Variants in SLC20A1 observed in about 807,000 individuals in gnomAD.
SLC20A1 encodes the protein solute carrier family 20 member 1.
SLC20A1 carries 28 observed loss-of-function variants against 62.7 expected under a neutral mutation model. The observed-to-expected ratio is 0.45, with a 90% CI of 0.33 to 0.61. The LOEUF (loss-of-function observed/expected upper bound fraction) is 0.61. Ranked by LOEUF, SLC20A1 falls within the 20% of genes least tolerant of loss-of-function variation. The pLI is 0.02. For synonymous variants in SLC20A1, 305 were observed against 302.9 expected (o/e 1.01, Z -0.07); for missense variants, 673 against 838.6 (o/e 0.80, Z 2.44).
rs1686738920 is a variant in SLC20A1, at chr2:112,661,161, G to T, written c.1813G>T (p.Ala605Ser). The T allele has an allele frequency of 1.5e-5, 25 of 1,613,998 alleles. No homozygotes were observed. Among genetic ancestry groups the T allele is most frequent in the Non-Finnish European group, 2.0e-5 (24 of 1,179,886 alleles). The change falls in exon 10 of 11, where the codon GCA becomes TCA. Residue 605 changes from alanine (A) to serine (S), a missense_variant. Coordinates refer to ENST00000272542, the MANE Select transcript of SLC20A1 (RefSeq NM_005415.5). ...CTGTAGTGGCTTCAGTATTGAACTG[G>T]CATCTGCCCTCACTGTGGTGATTGC... ...TPSSGFSIEL[A>S]SALTVVIASN...
At chr2:112,648,670 C>G (rs545695004) in intron 4 of SLC20A1, among the ~76,000 whole-genome samples, 1 of 152,324 alleles carries the variant, frequency 6.6e-6, no homozygotes, top group East Asian at 1.9e-4. Context: ...TCACTAATCA[C>G]TGTTTTCCAT....
chr2:112,661,271 A>G, intron 10 of SLC20A1, 45 bp downstream of exon 10: 3 of 1,456,176 alleles, frequency 2.1e-6, no homozygotes, highest in Middle Eastern at 1.7e-4. Flanking sequence ...TTCTTCTAAT[A>G]TGTAGGGTTT....
chr2:112,654,254 T>C (rs1310012499), intron 5 of SLC20A1, among the ~76,000 whole-genome samples: 1 of 152,232 alleles, frequency 6.6e-6, no homozygotes, highest in Non-Finnish European at 1.5e-5. Flanking sequence ...ACTGAACTGC[T>C]ATGTGCCGGT....
intron 4 of SLC20A1, chr2:112,652,498 G>GA (rs946743828): frequency 5.3e-3 from 2,933 of 552,620 alleles, no homozygotes; most frequent in Middle Eastern, 8.5e-3. Flanking sequence ...AAAGAAAAAA[G>GA]AAAAAAAAAC....
chr2:112,653,090 AT>A, intron 5 of SLC20A1: 1 of 547,306 alleles, frequency 1.8e-6, no homozygotes, highest in Non-Finnish European at 3.2e-6. Context: ...TATGCTAAAA[AT>A]GCTGGAATTA....
Position 112,663,551 on chromosome 2 carries a change from A to G in SLC20A1, c.*526A>G, listed in dbSNP as rs1039646240. The stretch of plus-strand genomic sequence containing the variant: ...GTCAGTAGTGGCAGGATCTATTGGC[A>G]TATTCGGGAGCTTCTTAGAGGGATG... On this transcript the variant is annotated 3_prime_UTR_variant, in exon 11 of 11. Transcript: ENST00000272542. The G allele has an allele frequency of 1.1e-5, 2 of 182,374 alleles. No individual in the cohort carries two copies. Among genetic ancestry groups the G allele is most frequent in the South Asian group, 2.2e-4 (2 of 9,258 alleles). The allele number at this position is 182,374 out of a possible 1,614,324, so 11.3% of individuals were successfully genotyped here.
chr2:112,657,092 G>C (rs371055700), intron 5 of SLC20A1, 30 bp from the exon 6 acceptor site: 64 of 1,613,552 alleles, frequency 4.0e-5, no homozygotes, highest in Admixed American at 1.8e-4. Flanking sequence ...TTGCCCTGGG[G>C]TTTTCAAGAT....
At chr2:112,648,663 C>G (rs1466907906) in intron 4 of SLC20A1, among the ~76,000 whole-genome samples, 7 of 152,226 alleles carry the variant, frequency 4.6e-5, no homozygotes, top group Non-Finnish European at 8.8e-5. Flanking sequence ...AAGTGATTCA[C>G]TAATCACTGT....
At chr2:112,655,612 G>A (rs1438066689) in intron 5 of SLC20A1, among the ~76,000 whole-genome samples, 2 of 151,182 alleles carry the variant, frequency 1.3e-5, no homozygotes, top group Non-Finnish European at 2.9e-5. Context: ...TGGGCTCAGG[G>A]TGTTCTCACA....
In SLC20A1 at chr2:112,650,141, A is replaced by G. The variant is rs948751296; in HGVS notation, c.561+2403A>G. Among the ~76,000 whole-genome samples the G allele has an allele frequency of 1.8e-4, 27 of 152,328 alleles. 1 individual carries two copies. The highest frequency in any genetic ancestry group is 1.6e-3 in the Admixed American group (25 of 15,300). The stretch of plus-strand genomic sequence containing the variant: ...ACCTCAGATTTGTTTACCTCAGGGA[A>G]TACTTAATTGGGCTATGCTATACAG... On this transcript the variant is annotated intron_variant, in intron 4 of 10. Transcript: ENST00000272542.
At chr2:112,647,593 G>C in intron 3 of SLC20A1, 60 bp from the exon 4 acceptor site, 1 of 1,583,614 alleles carries the variant, frequency 6.3e-7, no homozygotes, top group Non-Finnish European at 8.7e-7. Flanking sequence ...AACATTTAAA[G>C]TGGTTTTTGG....
At chr2:112,656,593 G>A (rs929831760) in intron 5 of SLC20A1, among the ~76,000 whole-genome samples, 1 of 152,182 alleles carries the variant, frequency 6.6e-6, no homozygotes, top group Non-Finnish European at 1.5e-5. Context: ...CTGCTTTCAA[G>A]GAGATAATCT....
At position 112,658,967 on chromosome 2, in the gene SLC20A1, C is replaced by T. The variant is rs769062862; in HGVS notation, c.921C>T (p.Pro307=). The T allele has an allele frequency of 5.6e-5, 90 of 1,614,010 alleles. No homozygotes were observed. In the South Asian group the frequency reaches 8.7e-4, roughly 16 times the overall value. The change falls in exon 7 of 11, where the codon CCC becomes CCT. Residue 307 remains proline (P), a synonymous_variant. Transcript: ENST00000272542. ...PVSEVGPATV[P]LQAVVEERTV... is the part of the protein sequence containing the mutation. Reference sequence around the variant, plus strand: ...CTGAGGTAGGGCCTGCCACTGTGCCCCTCCAGGCTGTGGTGGAGGAGAGAA... The same window carrying T: ...CTGAGGTAGGGCCTGCCACTGTGCCTCTCCAGGCTGTGGTGGAGGAGAGAA...
chr2:112,649,780 G>A (rs1421131922), intron 4 of SLC20A1, among the ~76,000 whole-genome samples: 1 of 152,144 alleles, frequency 6.6e-6, no homozygotes, highest in East Asian at 1.9e-4. Flanking sequence ...TCATTAGTTA[G>A]AAATATATTT....
chr2:112,649,684 C>G (rs977348525), intron 4 of SLC20A1, among the ~76,000 whole-genome samples: 1 of 152,094 alleles, frequency 6.6e-6, no homozygotes, highest in Non-Finnish European at 1.5e-5. Context: ...CTATTTAGGA[C>G]TGGCATCGCA....
At chr2:112,653,670 TTC>T (rs869171327) in intron 5 of SLC20A1, among the ~76,000 whole-genome samples, 169 of 119,934 alleles carry the variant, frequency 1.4e-3, no homozygotes, top group Non-Finnish European at 1.7e-3. Flanking sequence ...CTTTTTTTTT[TTC>T]TTAACATTTG....
rs770988125 is a variant in SLC20A1, at chr2:112,661,176, G to C, written c.1828G>C (p.Val610Leu). ...FSIELASALTVVIASNIGLPI... is the reference protein window; with the variant it reads ...FSIELASALTLVIASNIGLPI... ...TATTGAACTGGCATCTGCCCTCACT[G>C]TGGTGATTGCATCAAATATTGGCCT... is the stretch of plus-strand genomic sequence containing the variant. Residue 610 changes from valine to leucine, a missense_variant, in exon 10 of 11, where the codon GTG (valine) becomes CTG (leucine). Coordinates refer to ENST00000272542, the MANE Select transcript of SLC20A1 (RefSeq NM_005415.5). The C allele has an allele frequency of 1.2e-6, 2 of 1,614,092 alleles. No individual in the cohort carries two copies. Among genetic ancestry groups the C allele is most frequent in the Non-Finnish European group, 1.7e-6 (2 of 1,179,962 alleles).
At chr2:112,661,503 A>AT (rs57951916) in intron 10 of SLC20A1, among the ~76,000 whole-genome samples, 44,672 of 150,362 alleles carry the variant, frequency 0.3, 7,351 homozygotes, top group East Asian at 0.77. Context: ...CTTTATAATA[A>AT]TTTTTTTTTT....
chr2:112,661,346 A>G (rs973912086), intron 10 of SLC20A1, 120 bp downstream of exon 10: 2 of 654,912 alleles, frequency 3.1e-6, no homozygotes, highest in Non-Finnish European at 5.4e-6. Context: ...TGAAGAGTTC[A>G]TAAGTTATTT....
Sources: gnomAD v4.1 joint callset for allele counts (sites outside exome capture counted in the v4.1 genomes callset) on GRCh38, gnomAD v4.1.1 for gene constraint, MANE v1.5 for transcripts, NCBI Gene and HGNC (gene_info 2026-07-23, HGNC 2026-07-21) for gene names.